The following TP53I13 variants were observed in gnomAD, a reference collection of about 807,000 sequenced individuals.
The protein encoded by TP53I13 is tumor protein p53 inducible protein 13.
TP53I13 carries 27 observed loss-of-function variants against 39.1 expected under a neutral mutation model. That is an observed-to-expected ratio of 0.69 (90% confidence interval 0.51 to 0.95). TP53I13 has a LOEUF of 0.95. Ranked by LOEUF, TP53I13 falls within the 40% of genes least tolerant of loss-of-function variation. The probability of loss-of-function intolerance (pLI) is 0.00; values close to 1 mark genes in which losing one functional copy is unlikely to be tolerated. For synonymous variants in TP53I13, 230 were observed against 224.6 expected, an observed-to-expected ratio of 1.02 and a Z score of -0.22; for missense variants, 544 against 520.4, an observed-to-expected ratio of 1.05 and a Z score of -0.44.
the TP53I13 span, chr17:29,581,747 T>G: frequency 6.2e-7 from 1 of 1,609,682 alleles, no homozygotes; most frequent in Admixed American, 1.7e-5. The surrounding 1 kb of genome is among the most constrained non-coding windows in gnomAD (Gnocchi z 4.8). Flanking sequence ...CTCACCCGGC[T>G]TGCGTCCACA....
downstream of TP53I13, chr17:29,574,765 G>A: frequency 6.2e-7 from 1 of 1,613,574 alleles, no homozygotes; most frequent in Non-Finnish European, 8.5e-7. Context: ...CGATGTCATA[G>A]GCGCACTGGA....
At chr17:29,578,897 G>A in the TP53I13 span, 1 of 1,578,740 alleles carries the variant, frequency 6.3e-7, no homozygotes, top group East Asian at 2.2e-5. Flanking sequence ...CCCAGATGCT[G>A]CACACCAAAT....
downstream of TP53I13, chr17:29,576,811 C>A (rs758686079): frequency 1.3e-6 from 2 of 1,575,272 alleles, no homozygotes; most frequent in Admixed American, 3.7e-5. Flanking sequence ...TGGGCCTCAG[C>A]GAAGGCCTGG....
At chr17:29,566,502 G>C, upstream of TP53I13, 1 of 1,611,312 alleles carries the variant, frequency 6.2e-7, no homozygotes, top group Non-Finnish European at 8.5e-7. Flanking sequence ...CCGCAGGAAG[G>C]CCCCCGGCGC....
the TP53I13 span, among the ~76,000 whole-genome samples, chr17:29,579,630 A>G: frequency 6.6e-6 from 1 of 151,958 alleles, no homozygotes; most frequent in East Asian, 1.9e-4. Flanking sequence ...CCAGCTACTC[A>G]AGAGGCTATG....
At chr17:29,573,573 G>C (rs550216331), downstream of TP53I13, 1 of 152,700 alleles carries the variant, frequency 6.5e-6, no homozygotes, top group South Asian at 2.1e-4. Context: ...GGGAAGAAGC[G>C]GGATGGGGAG....
chr17:29,569,428 G>C, intron 3 of TP53I13, 69 bp downstream of exon 3: 3 of 1,511,650 alleles, frequency 2.0e-6, no homozygotes, highest in Non-Finnish European at 1.8e-6. Context: ...AGCAGGCTTC[G>C]CTGCCTGTTC....
At chr17:29,581,815 C>T in the TP53I13 span, 5 of 1,612,598 alleles carry the variant, frequency 3.1e-6, no homozygotes, top group South Asian at 5.5e-5. The surrounding 1 kb of genome is among the most constrained non-coding windows in gnomAD (Gnocchi z 4.8). Flanking sequence ...GCCTTTCCGC[C>T]AGCTCATGGT....
downstream of TP53I13, chr17:29,576,929 G>C: frequency 6.3e-7 from 1 of 1,590,372 alleles, no homozygotes; most frequent in Non-Finnish European, 8.5e-7. Flanking sequence ...CCTCGTCAGA[G>C]GCCACGCTGT....
At chr17:29,575,940 C>A (rs779288873), downstream of TP53I13, 23 of 1,551,228 alleles carry the variant, frequency 1.5e-5, no homozygotes, top group African/African-American at 5.4e-5. The surrounding 1 kb of genome is among the most constrained non-coding windows in gnomAD (Gnocchi z 5.5). Context: ...GTGTGCCCCA[C>A]TGCCCCCCTG....
chr17:29,567,054 G>C, upstream of TP53I13: 1 of 1,144,746 alleles, frequency 8.7e-7, no homozygotes, highest in Non-Finnish European at 1.1e-6. This position sits in a 1 kb window ranked among gnomAD's most constrained non-coding sequence, Gnocchi z 6.6. Flanking sequence ...CCGCCCGCCG[G>C]CGGCGGCTGC....
downstream of TP53I13, chr17:29,576,631 T>G: frequency 6.2e-7 from 1 of 1,614,024 alleles, no homozygotes; most frequent in African/African-American, 1.3e-5. Flanking sequence ...CAGGTACTCC[T>G]GCAGCGTCAC....
At chr17:29,578,245 C>T in the TP53I13 span, 2 of 1,422,612 alleles carry the variant, frequency 1.4e-6, no homozygotes, top group African/African-American at 1.4e-5. Context: ...ACCAGAGACC[C>T]ATGCCTGGGC....
At chr17:29,578,596 G>T in the TP53I13 span, 1 of 898,926 alleles carries the variant, frequency 1.1e-6, no homozygotes, top group Non-Finnish European at 1.9e-6. Flanking sequence ...AGAGGGGACT[G>T]CTGAGGCCAG....
chr17:29,577,572 A>C (rs2033256706), downstream of TP53I13: 1 of 985,968 alleles, frequency 1.0e-6, no homozygotes, highest in Non-Finnish European at 1.6e-6. Flanking sequence ...CTCAGGCCCC[A>C]GCCCACTGCC....
downstream of TP53I13, chr17:29,576,946 C>A: frequency 1.9e-6 from 3 of 1,597,250 alleles, no homozygotes; most frequent in Non-Finnish European, 2.6e-6. Context: ...CTGTCGTAGT[C>A]GTGTTGGTCG....
At chr17:29,575,162 T>A (rs1189416615), downstream of TP53I13, 3 of 1,585,850 alleles carry the variant, frequency 1.9e-6, no homozygotes, top group African/African-American at 2.7e-5. The surrounding 1 kb of genome is among the most constrained non-coding windows in gnomAD (Gnocchi z 5.5). Context: ...GAAGGGAGGC[T>A]ATAAAGCAGG....
chr17:29,571,793 T>G (rs1029468421), intron 4 of TP53I13, 64 bp from the exon 5 acceptor site: 1 of 1,613,132 alleles, frequency 6.2e-7, no homozygotes, highest in African/African-American at 1.3e-5. Flanking sequence ...AATGGAAAAT[T>G]CAAGGGTTTC....
chr17:29,571,237 C>T lies in TP53I13; in HGVS notation c.184-354C>T, dbSNP rs1016703308. ...TCTTGGGAGACTGTATAGATTGGAT[C>T]GATGGTCTTCATTTGGGGGTTGCTT... On this transcript the variant is annotated intron_variant, in intron 3 of 6. Transcript: ENST00000301057. The T allele has an allele frequency of 1.1e-4, 32 of 286,776 alleles. No homozygotes were observed. In the East Asian group the frequency reaches 2.1e-3, roughly 19 times the overall value. The allele number at this position is 286,776 out of a possible 1,614,324, so 17.8% of individuals were successfully genotyped here.
Sources: gnomAD v4.1 joint callset for allele counts (sites outside exome capture counted in the v4.1 genomes callset) on GRCh38, gnomAD v4.1.1 for gene constraint, Gnocchi (gnomAD v3.1) non-coding constraint, MANE v1.5 for transcripts, NCBI Gene and HGNC (gene_info 2026-07-23, HGNC 2026-07-21) for gene names.